Variants in ESR1 observed in about 807,000 individuals in gnomAD.
ESR1 encodes estrogen receptor 1, also known as estrogen receptor.
ESR1 carries 12 observed loss-of-function variants against 52.7 expected under a neutral mutation model. That is an observed-to-expected ratio of 0.23 (90% confidence interval 0.15 to 0.37). ESR1 has a LOEUF of 0.37. Ranked by LOEUF, ESR1 falls within the 10% of genes least tolerant of loss-of-function variation. The probability of loss-of-function intolerance (pLI) is 1.00; values close to 1 mark genes in which losing one functional copy is unlikely to be tolerated. For synonymous variants in ESR1, 305 were observed against 316.8 expected, an observed-to-expected ratio of 0.96 and a Z score of 0.39; for missense variants, 584 against 779.7, an observed-to-expected ratio of 0.75 and a Z score of 2.99.
At chr6:151,954,067 CCT>C (rs2036632472) in intron 4 of ESR1, among the ~76,000 whole-genome samples, 1 of 152,102 alleles carries the variant, frequency 6.6e-6, no homozygotes, top group Admixed American at 6.5e-5. Context: ...AACTAAATCC[CCT>C]GTCTCAAGCA....
At chr6:152,088,632 G>T (rs9341040) in intron 6 of ESR1, among the ~76,000 whole-genome samples, 10 of 152,140 alleles carry the variant, frequency 6.6e-5, no homozygotes, top group Non-Finnish European at 1.5e-4. Context: ...AGAGACCTGC[G>T]CTAGCACACT....
At chr6:152,038,267 A>G (rs1024040722) in intron 5 of ESR1, among the ~76,000 whole-genome samples, 1 of 152,226 alleles carries the variant, frequency 6.6e-6, no homozygotes, top group Non-Finnish European at 1.5e-5. Flanking sequence ...TATCCTAGCC[A>G]CGCTGGCATG....
Position 152,061,692 on chromosome 6 carries a change from G to A in ESR1, c.1369+568G>A, listed in dbSNP as rs561404278. The stretch of plus-strand genomic sequence containing the variant: ...TGAAGTCTGATTCTACTGCCCCTTC[G>A]TATTTATTTGTTTGAGAAAGCTTAG... On this transcript the variant is annotated intron_variant, in intron 6 of 7. Coordinates refer to ENST00000206249, the MANE Select transcript of ESR1 (RefSeq NM_000125.4). The surrounding 1 kb of genome is among the most constrained non-coding windows in gnomAD (Gnocchi z 4.3). Among the ~76,000 whole-genome samples the A allele has an allele frequency of 2.8e-4, 42 of 152,282 alleles. 1 individual carries two copies. The highest frequency in any genetic ancestry group is 2.2e-3 in the Admixed American group (33 of 15,292).
At chr6:151,797,684 C>T (rs1776844328) in intron 2 of ESR1, among the ~76,000 whole-genome samples, 1 of 152,150 alleles carries the variant, frequency 6.6e-6, no homozygotes, top group African/African-American at 2.4e-5. Context: ...ATGATGATCC[C>T]TGCAGGGGGA....
At chr6:151,793,350 T>A (rs1259557601) in intron 2 of ESR1, among the ~76,000 whole-genome samples, 1 of 151,948 alleles carries the variant, frequency 6.6e-6, no homozygotes, top group Non-Finnish European at 1.5e-5. Flanking sequence ...CCTCTGATAA[T>A]AATATGGGCT....
intron 1 of ESR1, among the ~76,000 whole-genome samples, chr6:151,679,787 A>G (rs1218068172): frequency 6.6e-6 from 1 of 152,098 alleles, no homozygotes; most frequent in African/African-American, 2.4e-5. Context: ...TGTGCCTGGG[A>G]CACTCCGGTC....
intron 4 of ESR1, among the ~76,000 whole-genome samples, chr6:151,974,462 T>C (rs1290543077): frequency 6.6e-6 from 1 of 152,202 alleles, no homozygotes; most frequent in Non-Finnish European, 1.5e-5. Flanking sequence ...ATCCATGATC[T>C]CCTGTACAGA....
intron 4 of ESR1, among the ~76,000 whole-genome samples, chr6:151,974,920 C>T (rs970899140): frequency 6.6e-6 from 1 of 152,158 alleles, no homozygotes; most frequent in East Asian, 1.9e-4. Context: ...TGTGTTTAGG[C>T]CCATCCCTAC....
chr6:152,088,586 C>G (rs184033474), intron 6 of ESR1, among the ~76,000 whole-genome samples: 1 of 152,276 alleles, frequency 6.6e-6, no homozygotes, highest in Non-Finnish European at 1.5e-5. Context: ...TGAGTTATCC[C>G]AGGAGTGGGA....
At chr6:151,831,087 C>T (rs960063210) in intron 1 of ESR1, among the ~76,000 whole-genome samples, 1 of 152,032 alleles carries the variant, frequency 6.6e-6, no homozygotes, top group Non-Finnish European at 1.5e-5. Flanking sequence ...TTAGCATTTC[C>T]CCTCAAAGAA....
At chr6:152,012,491 C>T (rs1294062976) in intron 5 of ESR1, among the ~76,000 whole-genome samples, 2 of 152,052 alleles carry the variant, frequency 1.3e-5, no homozygotes, top group Non-Finnish European at 2.9e-5. Context: ...TCACCGGACT[C>T]CTAGGAGGCA....
chr6:151,723,467 A>G (rs1230555723), intron 2 of ESR1, among the ~76,000 whole-genome samples: 1 of 152,204 alleles, frequency 6.6e-6, no homozygotes, highest in East Asian at 1.9e-4. Context: ...CTGTCTTCTC[A>G]GGGAAACATT....
chr6:151,912,357 C>T (rs992352057), intron 3 of ESR1, among the ~76,000 whole-genome samples: 2 of 152,208 alleles, frequency 1.3e-5, no homozygotes, highest in South Asian at 2.1e-4. Flanking sequence ...CTTTGTTTCA[C>T]GTGTCTCCCT....
At chr6:151,775,522 C>G (rs367665807) in intron 2 of ESR1, among the ~76,000 whole-genome samples, 1 of 151,882 alleles carries the variant, frequency 6.6e-6, no homozygotes, top group Non-Finnish European at 1.5e-5. Context: ...CCGAAGCGGG[C>G]GGATCACAAG....
At chr6:151,707,326 C>A (rs1285682842) in intron 2 of ESR1, among the ~76,000 whole-genome samples, 1 of 151,840 alleles carries the variant, frequency 6.6e-6, no homozygotes, top group African/African-American at 2.4e-5. Flanking sequence ...TCATCTTTTT[C>A]TTAGCAATAT....
chr6:151,856,279 A>G (rs1238952779), intron 2 of ESR1, among the ~76,000 whole-genome samples: 1 of 152,206 alleles, frequency 6.6e-6, no homozygotes, highest in East Asian at 1.9e-4. Context: ...TTATTATGAT[A>G]TGAAGGGAAA....
At chr6:151,958,593 T>G (rs999884308) in intron 4 of ESR1, among the ~76,000 whole-genome samples, 2 of 152,194 alleles carry the variant, frequency 1.3e-5, no homozygotes, top group Non-Finnish European at 2.9e-5. Context: ...TGTGAAAAAT[T>G]CTGGTCATTC....
chr6:151,693,515 C>T (rs1380392058), intron 1 of ESR1, among the ~76,000 whole-genome samples: 3 of 152,186 alleles, frequency 2.0e-5, no homozygotes, highest in Admixed American at 6.5e-5. Context: ...CTGAGATGAG[C>T]GTGTCAAAAA....
chr6:152,023,334 G>A (rs995885313), intron 5 of ESR1, among the ~76,000 whole-genome samples: 3 of 152,140 alleles, frequency 2.0e-5, no homozygotes, highest in Non-Finnish European at 4.4e-5. Flanking sequence ...CTGAAATAAT[G>A]AGAGAATAAT....
Sources: gnomAD v4.1 joint callset for allele counts (sites outside exome capture counted in the v4.1 genomes callset) on GRCh38, gnomAD v4.1.1 for gene constraint, Gnocchi (gnomAD v3.1) non-coding constraint, MANE v1.5 for transcripts, NCBI Gene and HGNC (gene_info 2026-07-23, HGNC 2026-07-21) for gene names.